Variants in DSCAML1 observed in about 807,000 individuals in gnomAD.
DSCAML1 encodes the protein cell adhesion molecule DSCAML1.
In DSCAML1, 38 loss-of-function variants were observed where a neutral mutation model predicts 200.5. That is an observed-to-expected ratio of 0.19 (90% CI 0.15 to 0.25). The LOEUF (loss-of-function observed/expected upper bound fraction) is 0.25. Among genes scored for constraint, DSCAML1 ranks in the 10% least tolerant of loss-of-function variants. The pLI, the probability that DSCAML1 is intolerant of heterozygous loss-of-function variation, is 1.00. For synonymous variants in DSCAML1, 1,215 were observed against 1,165.0 expected, an observed-to-expected ratio of 1.04 and a Z score of -0.87; for missense variants, 2,223 against 2,858.8, an observed-to-expected ratio of 0.78 and a Z score of 5.07.
intron 3 of DSCAML1, among the ~76,000 whole-genome samples, chr11:117,724,002 G>A (rs543753548): frequency 4.6e-5 from 7 of 152,290 alleles, no homozygotes; most frequent in Admixed American, 1.3e-4. Context: ...GGCTACGGCT[G>A]GTCCTTTATC....
chr11:117,570,223 G>C (rs1325203746), intron 3 of DSCAML1, among the ~76,000 whole-genome samples: 7 of 152,072 alleles, frequency 4.6e-5, no homozygotes, highest in Non-Finnish European at 1.5e-5. Flanking sequence ...GTAGTTTTCG[G>C]GGTATCTCAT....
chr11:117,775,324 T>C (rs2055111056), intron 3 of DSCAML1, among the ~76,000 whole-genome samples: 1 of 152,214 alleles, frequency 6.6e-6, no homozygotes, highest in Non-Finnish European at 1.5e-5. Flanking sequence ...GCTGCGTCCA[T>C]GGAGCAGCCT....
intron 20 of DSCAML1, 95 bp downstream of exon 20, chr11:117,450,454 G>C: frequency 6.7e-7 from 1 of 1,496,170 alleles, no homozygotes; most frequent in Non-Finnish European, 9.0e-7. Context: ...CTCAGATACA[G>C]GCAGCCTCAG....
intron 3 of DSCAML1, among the ~76,000 whole-genome samples, chr11:117,766,076 G>A (rs2054892212): frequency 6.6e-6 from 1 of 152,152 alleles, no homozygotes; most frequent in African/African-American, 2.4e-5. Context: ...CTAGGCATTC[G>A]ACAAACATTG....
intron 3 of DSCAML1, among the ~76,000 whole-genome samples, chr11:117,546,899 A>G (rs2050382572): frequency 6.6e-6 from 1 of 152,092 alleles, no homozygotes; most frequent in African/African-American, 2.4e-5. Flanking sequence ...CTTCCTTTCA[A>G]ATGACTTGTA....
intron 30 of DSCAML1, 94 bp from the exon 31 acceptor site, chr11:117,431,822 G>A (rs147189349): frequency 0.016 from 19,638 of 1,265,530 alleles, 198 homozygotes; most frequent in Middle Eastern, 0.024. Context: ...GGGGAGCAAG[G>A]GAAGAGGCAG....
intron 3 of DSCAML1, among the ~76,000 whole-genome samples, chr11:117,686,064 G>A (rs2053396780): frequency 6.6e-6 from 1 of 152,174 alleles, no homozygotes; most frequent in African/African-American, 2.4e-5. Context: ...GGGAAGAGAA[G>A]GTGAGATCCA....
At chr11:117,589,754 A>G (rs775005021) in intron 3 of DSCAML1, among the ~76,000 whole-genome samples, 2 of 152,046 alleles carry the variant, frequency 1.3e-5, no homozygotes, top group Non-Finnish European at 2.9e-5. Flanking sequence ...GTACCTTAAA[A>G]CTTGTCATTC....
intron 8 of DSCAML1, among the ~76,000 whole-genome samples, chr11:117,508,413 G>A (rs1249747476): frequency 2.6e-5 from 4 of 152,070 alleles, no homozygotes; most frequent in African/African-American, 7.2e-5. Context: ...GTAGGTGCCC[G>A]ATGAGTGCTT....
At chr11:117,638,924 T>C (rs2052344444) in intron 3 of DSCAML1, among the ~76,000 whole-genome samples, 1 of 152,198 alleles carries the variant, frequency 6.6e-6, no homozygotes, top group South Asian at 2.1e-4. Flanking sequence ...TAATTCTCTG[T>C]TTAACCTTTT....
intron 3 of DSCAML1, among the ~76,000 whole-genome samples, chr11:117,707,789 T>A (rs1268698706): frequency 2.0e-5 from 3 of 152,162 alleles, no homozygotes; most frequent in Non-Finnish European, 4.4e-5. Flanking sequence ...GGCCTCAGCC[T>A]CCCAAAGTGC....
intron 11 of DSCAML1, among the ~76,000 whole-genome samples, chr11:117,490,927 G>A (rs1215311520): frequency 6.6e-6 from 1 of 152,240 alleles, no homozygotes; most frequent in Non-Finnish European, 1.5e-5. Flanking sequence ...GCTGGGGCTG[G>A]AGGCAGGATC....
chr11:117,594,655 C>T (rs2051325883), intron 3 of DSCAML1, among the ~76,000 whole-genome samples: 1 of 152,240 alleles, frequency 6.6e-6, no homozygotes, highest in Admixed American at 6.5e-5. Flanking sequence ...GCAGCAGCCC[C>T]TGCTCCTCCT....
rs577416843 is a variant in DSCAML1, at chr11:117,635,546, G to A, written c.512-103024C>T. On this transcript the variant is annotated intron_variant, in intron 3 of 32. Transcript: ENST00000651296. ...AGGGTGCAGCAGGGGTCAGGGGAAG[G>A]AGGGGACGAGGCTCAGAATAATATT... 2.0e-5 allele frequency among the ~76,000 whole-genome samples: 3 copies of A among 152,038 alleles called. No homozygotes were observed. The South Asian group carries it at 6.3e-4, about 32-fold the overall frequency.
intron 23 of DSCAML1, 64 bp from the exon 24 acceptor site, chr11:117,439,047 C>A (rs1224823940): frequency 1.4e-6 from 2 of 1,472,394 alleles, no homozygotes; most frequent in Middle Eastern, 1.8e-4. Context: ...TGTGGGGAGT[C>A]CCCCCGTGAC....
chr11:117,541,071 A>C (rs917882202), intron 3 of DSCAML1, among the ~76,000 whole-genome samples: 1 of 152,232 alleles, frequency 6.6e-6, no homozygotes, highest in African/African-American at 2.4e-5. Context: ...CTTGAGGATC[A>C]TCTACTACGG....
Position 117,518,647 on chromosome 11 carries a change from G to C in DSCAML1, c.1329C>G (p.Leu443=). 1 of 1,613,398 alleles carries C rather than the reference G, an allele frequency of 6.2e-7. No individual in the cohort carries two copies. The highest frequency in any genetic ancestry group is 8.5e-7 in the Non-Finnish European group (1 of 1,179,914). The change falls in exon 7 of 33, where the codon CTC becomes CTG. Residue 443 remains leucine (L), a synonymous_variant. Transcript: ENST00000651296. The surrounding 1 kb of genome is among the most constrained non-coding windows in gnomAD (Gnocchi z 6.3). ...GAPPPTVTWA[L]DDEPIVRDGS... is the part of the protein sequence containing the mutation. The stretch of plus-strand genomic sequence containing the variant: ...CATCCCGCACGATGGGCTCATCGTC[G>C]AGGGCCCAGGTGACCGTGGGGGGCG...
chr11:117,583,889 T>C (rs1321161016), intron 3 of DSCAML1, among the ~76,000 whole-genome samples: 1 of 152,220 alleles, frequency 6.6e-6, no homozygotes, highest in East Asian at 1.9e-4. Flanking sequence ...GTTGCTCTTC[T>C]CCAGAAATTT....
chr11:117,667,149 C>T (rs10892156), intron 3 of DSCAML1, among the ~76,000 whole-genome samples: 58,055 of 152,074 alleles, frequency 0.38, 11,341 homozygotes, highest in South Asian at 0.56. Flanking sequence ...CGATGGCTCA[C>T]GCCTGTAATC....
Sources: gnomAD v4.1 joint callset for allele counts (sites outside exome capture counted in the v4.1 genomes callset) on GRCh38, gnomAD v4.1.1 for gene constraint, Gnocchi (gnomAD v3.1) non-coding constraint, MANE v1.5 for transcripts, NCBI Gene and HGNC (gene_info 2026-07-23, HGNC 2026-07-21) for gene names.